The following OPCML variants were observed in gnomAD, a reference collection of about 807,000 sequenced individuals.
OPCML encodes the protein opioid binding protein/cell adhesion molecule like.
Under a neutral mutation model 37.8 loss-of-function variants are expected in OPCML, and 13 were observed. The observed-to-expected ratio is 0.34, with a 90% confidence interval of 0.22 to 0.55. The LOEUF is 0.55. OPCML is among the 20% of genes least tolerant of loss of function. The pLI is 0.91. For missense variants in OPCML, 341 were observed against 435.6 expected (o/e 0.78, Z 1.93); for synonymous variants, 176 against 168.8 (o/e 1.04, Z -0.33).
At chr11:133,489,288 C>T (rs968410063) in intron 1 of OPCML, among the ~76,000 whole-genome samples, 6 of 151,704 alleles carry the variant, frequency 4.0e-5, no homozygotes, top group African/African-American at 1.2e-4. Context: ...AGTCAACAGA[C>T]CACCTAAAGA....
chr11:132,424,128 T>G (rs1300613516), intron 7 of OPCML, among the ~76,000 whole-genome samples: 1 of 151,870 alleles, frequency 6.6e-6, no homozygotes, highest in African/African-American at 2.4e-5. Context: ...GAGGCAGTTT[T>G]TTTTTTTTTT....
chr11:133,237,354 G>T (rs1287493074), intron 1 of OPCML, among the ~76,000 whole-genome samples: 3 of 152,168 alleles, frequency 2.0e-5, no homozygotes, highest in African/African-American at 7.2e-5. Context: ...ACAAAGCAAG[G>T]GTTCAGTGAG....
chr11:132,688,144 C>T lies in OPCML; in HGVS notation c.147-30825G>A, dbSNP rs114981214. 5.1e-3 allele frequency among the ~76,000 whole-genome samples: 775 copies of T among 151,770 alleles called. 2 individuals carry two copies. The highest frequency in any genetic ancestry group is 0.017 in the African/African-American group (689 of 41,394). ...AAAACATGTACATTAATAATAATTC[C>T]GGCTTTTCTGTTTAGGAATCATGGT... is the stretch of plus-strand genomic sequence containing the variant. On this transcript the variant is annotated intron_variant, in intron 2 of 7. Transcript: ENST00000524381.
chr11:132,441,888 A>T (rs1348415903), intron 4 of OPCML, among the ~76,000 whole-genome samples: 1 of 152,208 alleles, frequency 6.6e-6, no homozygotes, highest in African/African-American at 2.4e-5. Context: ...GGGCTTTTTC[A>T]GTAGGGACAC....
At chr11:132,432,702 G>A (rs1013558332) in intron 7 of OPCML, among the ~76,000 whole-genome samples, 2 of 152,140 alleles carry the variant, frequency 1.3e-5, no homozygotes, top group Non-Finnish European at 2.9e-5. Context: ...CCTTGTATTA[G>A]GTCCTAGGGA....
chr11:133,399,110 A>T (rs750552780), intron 1 of OPCML, among the ~76,000 whole-genome samples: 10 of 152,210 alleles, frequency 6.6e-5, no homozygotes, highest in African/African-American at 9.7e-5. Context: ...AATAAATGTT[A>T]GGTATGATTT....
intron 3 of OPCML, among the ~76,000 whole-genome samples, chr11:132,642,882 T>C (rs1229753136): frequency 2.0e-5 from 3 of 152,162 alleles, no homozygotes; most frequent in Admixed American, 6.5e-5. Flanking sequence ...TTTCCATATA[T>C]AGGAATTAAG....
At chr11:132,563,258 G>A (rs2096414560) in intron 3 of OPCML, among the ~76,000 whole-genome samples, 1 of 152,144 alleles carries the variant, frequency 6.6e-6, no homozygotes, top group Admixed American at 6.5e-5. Context: ...ACCTCAGAGT[G>A]TGTGCTTATT....
At chr11:132,450,924 G>C (rs976965221) in intron 4 of OPCML, among the ~76,000 whole-genome samples, 22 of 152,188 alleles carry the variant, frequency 1.4e-4, no homozygotes, top group African/African-American at 5.3e-4. Context: ...TCGATAGTCA[G>C]TAGCTGTTTG....
Sources: allele counts gnomAD v4.1 joint callset (sites outside exome capture counted in the v4.1 genomes callset), GRCh38; gene constraint gnomAD v4.1.1; transcripts MANE v1.5; gene names NCBI Gene and HGNC (gene_info 2026-07-23, HGNC 2026-07-21).